SRI: variants seen among roughly 807,000 people sequenced by gnomAD.
SRI encodes the protein 22 kDa protein.
A neutral mutation model predicts 33.3 loss-of-function variants in SRI; 30 were observed. That is an observed-to-expected ratio of 0.90 (90% CI 0.67 to 1.22). The LOEUF is 1.22. Ranked by LOEUF, SRI falls within the 50% of genes most tolerant of loss-of-function variation. SRI has a pLI of 0.00. For missense variants in SRI, 243 were observed against 250.8 expected, an observed-to-expected ratio of 0.97 and a Z score of 0.21; for synonymous variants, 75 against 89.9, an observed-to-expected ratio of 0.83 and a Z score of 0.94.
chr7:88,219,523 C>T (rs1325405170), intron 1 of SRI: 1 of 194,472 alleles, frequency 5.1e-6, no homozygotes, highest in Admixed American at 5.8e-5. Flanking sequence ...TTTTTTCCGT[C>T]CCCCTTCTCA....
intron 1 of SRI, 195 bp from the exon 2 acceptor site, chr7:88,219,137 G>A: frequency 3.3e-6 from 2 of 612,018 alleles, no homozygotes; most frequent in East Asian, 2.9e-5. Flanking sequence ...AAAAACTGGC[G>A]ACTTAGACCA....
At chr7:88,209,709 T>C (rs1172554022) in intron 5 of SRI, among the ~76,000 whole-genome samples, 2 of 151,868 alleles carry the variant, frequency 1.3e-5, no homozygotes, top group Non-Finnish European at 2.9e-5. Flanking sequence ...CTGCCTCCTG[T>C]GTTCAAGTGA....
chr7:88,209,345 GA>G lies in SRI; in HGVS notation c.504del (p.Thr170GlnfsTer15), dbSNP rs1240730086. On this transcript the variant is annotated frameshift_variant, in exon 6 of 8. Transcript: ENST00000265729. LOFTEE classifies it high-confidence loss of function. Reference protein sequence around the residue: ...DYIACCVKLRALTDSFRRRDT... With the variant: ...DYIACCVKLRXLTDSFRRRDT... ...ACGACCTTATAGAACTCACCTGTAA[GA>G]GCCCTCAGTTTGACGCAGCAGGCGA... The G allele has an allele frequency of 6.2e-7, 1 of 1,613,542 alleles. No individual in the cohort carries two copies. Among genetic ancestry groups the G allele is most frequent in the African/African-American group, 1.3e-5 (1 of 74,908 alleles).
intron 3 of SRI, chr7:88,214,787 T>G (rs1851667066): frequency 2.0e-6 from 2 of 983,786 alleles, no homozygotes; most frequent in African/African-American, 1.7e-5. Context: ...ATCTCTGCTG[T>G]AATTTACCTT....
upstream of SRI, among the ~76,000 whole-genome samples, chr7:88,223,686 A>T (rs1046740375): frequency 6.6e-6 from 1 of 152,202 alleles, no homozygotes; most frequent in African/African-American, 2.4e-5. Flanking sequence ...TTATTTTTCC[A>T]ACCATTTAAA....
rs369605038 is a variant in SRI at position 88,226,786 on chromosome 7, G to A, written c.6+123C>T. 15 of 1,013,908 alleles carry A rather than the reference G, an allele frequency of 1.5e-5. No homozygotes were observed. The East Asian group carries it at 4.2e-4, about 28-fold the overall frequency. 62.8% of individuals were successfully genotyped at this position (1,013,908 alleles called of 1,614,324 possible). A position where few individuals can be genotyped will look rare whatever the true frequency, so the allele number is the denominator to read the frequency against. On this transcript the variant is annotated intron_variant, in intron 1 of 7. Coordinates refer to the SRI transcript ENST00000394641. The stretch of plus-strand genomic sequence containing the variant: ...AGGAACCTGGATTAATTGATTCTCA[G>A]CTTGGAAACCCATGGATCAGTAGAA...
At chr7:88,225,817 T>C (rs1191683350) in intron 1 of SRI, among the ~76,000 whole-genome samples, 1 of 152,254 alleles carries the variant, frequency 6.6e-6, no homozygotes, top group African/African-American at 2.4e-5. Context: ...TTGTCTAAAA[T>C]AATGTACATC....
chr7:88,221,561 A>G (rs1344295699), upstream of SRI, among the ~76,000 whole-genome samples: 1 of 152,238 alleles, frequency 6.6e-6, no homozygotes, highest in East Asian at 1.9e-4. Context: ...CTCAAGTTTG[A>G]AAGAAGTATA....
intron 7 of SRI, 109 bp downstream of exon 7, chr7:88,208,398 G>A (rs1851485118): frequency 4.0e-6 from 6 of 1,501,042 alleles, no homozygotes; most frequent in Non-Finnish European, 3.6e-6. Flanking sequence ...AATCCCTTAT[G>A]TCTCTGGCAT....
chr7:88,206,450 G>C lies in SRI; in HGVS notation c.*28C>G, dbSNP rs368568495. On this transcript the variant is annotated 3_prime_UTR_variant, in exon 8 of 8. Transcript: ENST00000265729. ...AAAGGAGAGCTCCAGTTGGAATGTT[G>C]ATTACATTCATGCAGCTTCCTCTTG... is the stretch of plus-strand genomic sequence containing the variant. The C allele has an allele frequency of 1.2e-6, 2 of 1,612,926 alleles. No individual in the cohort carries two copies. The highest frequency in any genetic ancestry group is 1.1e-5 in the South Asian group (1 of 91,040).
rs755737861 is a variant in SRI at position 88,217,197 on chromosome 7, G to GA, written c.136-7dup. 9 of 1,608,278 alleles carry GA rather than the reference G, an allele frequency of 5.6e-6. No individual in the cohort carries two copies. Among genetic ancestry groups the GA allele is most frequent in the South Asian group, 1.1e-5 (1 of 90,594 alleles). ...TCAGCATCTATCTGCCCATCCTTTT[G>GA]AAAAAAAATTAGAGGAATCATAATA... On this transcript the variant is annotated splice_region_variant and splice_polypyrimidine_tract_variant and intron_variant, in intron 2 of 7. Coordinates refer to ENST00000265729, the MANE Select transcript of SRI (RefSeq NM_003130.4).
At chr7:88,208,415 C>A (rs1165616975) in intron 7 of SRI, 92 bp downstream of exon 7, 1 of 1,554,648 alleles carries the variant, frequency 6.4e-7, no homozygotes, top group Admixed American at 1.9e-5. Context: ...GCATCCTTAA[C>A]CTTAAGATAT....
At chr7:88,216,853 C>T in intron 3 of SRI, 1 of 489,528 alleles carries the variant, frequency 2.0e-6, no homozygotes, top group Non-Finnish European at 3.7e-6. Flanking sequence ...TAGATTACTG[C>T]AGCCAAAAAC....
At chr7:88,225,131 G>A (rs979605033) in intron 1 of SRI, among the ~76,000 whole-genome samples, 3 of 152,234 alleles carry the variant, frequency 2.0e-5, no homozygotes, top group African/African-American at 4.8e-5. Context: ...TGTGACAAAC[G>A]TTCCCATGTT....
At position 88,210,123 on chromosome 7, in the gene SRI, A is replaced by C; in HGVS notation, c.257T>G (p.Met86Arg). 1.9e-6 allele frequency: 3 copies of C among 1,614,140 alleles called. No individual in the cohort carries two copies. Among genetic ancestry groups the C allele is most frequent in the Non-Finnish European group, 1.7e-6 (2 of 1,180,002 alleles). ...TTCATTGAAACCCATTGTGCCAGACATATCTCTCTGAACTGTAATCAAGGA... is the reference window on the plus strand; with the variant it reads ...TTCATTGAAACCCATTGTGCCAGACCTATCTCTCTGAACTGTAATCAAGGA... ...RLMVSMLDRD[M>R]SGTMGFNEFK... The change falls in exon 5 of 8, where the codon ATG (methionine) becomes AGG (arginine). Residue 86 changes from methionine to arginine, a missense_variant. Transcript: ENST00000265729.
chr7:88,211,209 T>C (rs1851569705), intron 3 of SRI, among the ~76,000 whole-genome samples: 1 of 152,164 alleles, frequency 6.6e-6, no homozygotes. Context: ...TCCCAGCACT[T>C]TGGGGGGTGC....
intron 3 of SRI, among the ~76,000 whole-genome samples, chr7:88,213,141 C>A (rs933225219): frequency 6.6e-6 from 1 of 152,176 alleles, no homozygotes; most frequent in Non-Finnish European, 1.5e-5. Flanking sequence ...CCTTAGTTAG[C>A]ATTTCTCTCA....
At chr7:88,219,190 C>T in intron 1 of SRI, 1 of 501,068 alleles carries the variant, frequency 2.0e-6, no homozygotes. Flanking sequence ...TGTAAAGCAA[C>T]TTTTAAAATC....
intron 7 of SRI, 58 bp downstream of exon 7, chr7:88,208,449 A>C: frequency 6.2e-7 from 1 of 1,604,148 alleles, no homozygotes; most frequent in Non-Finnish European, 8.5e-7. Flanking sequence ...TTTCAAAGGG[A>C]TACCCATCTG....
Sources: gnomAD v4.1 joint callset for allele counts (sites outside exome capture counted in the v4.1 genomes callset) on GRCh38, gnomAD v4.1.1 for gene constraint, MANE v1.5 for transcripts, NCBI Gene and HGNC (gene_info 2026-07-23, HGNC 2026-07-21) for gene names.